SHISA5: variants seen among roughly 807,000 people sequenced by gnomAD.
SHISA5 encodes the protein shisa family member 5, also known as protein shisa-5.
A neutral mutation model predicts 27.5 loss-of-function variants in SHISA5; 21 were observed. That is an observed-to-expected ratio of 0.76 (90% CI 0.54 to 1.10). The LOEUF is 1.10. Ranked by LOEUF, SHISA5 falls within the 50% of genes least tolerant of loss-of-function variation. The probability of loss-of-function intolerance (pLI) is 0.00; values close to 1 mark genes in which losing one functional copy is unlikely to be tolerated. For missense variants in SHISA5, 314 were observed against 336.3 expected, an observed-to-expected ratio of 0.93 and a Z score of 0.52; for synonymous variants, 137 against 142.2, an observed-to-expected ratio of 0.96 and a Z score of 0.26.
intron 2 of SHISA5, among the ~76,000 whole-genome samples, chr3:48,480,254 A>C (rs903622923): frequency 5.9e-5 from 9 of 151,844 alleles, no homozygotes; most frequent in Admixed American, 1.3e-4. Flanking sequence ...ACAACAACAA[A>C]AAACTCCTAC....
In SHISA5 at chr3:48,469,070, A is replaced by G; in HGVS notation, c.*37T>C. On this transcript the variant is annotated 3_prime_UTR_variant, in exon 6 of 6. Coordinates refer to ENST00000296444, the MANE Select transcript of SHISA5 (RefSeq NM_016479.6). The surrounding 1 kb of genome is among the most constrained non-coding windows in gnomAD (Gnocchi z 4.6). ...TGCACACCACTCACGCACACACACA[A>G]CATAACCAAGTGGCAGCCAGAGAGG... 1 of 1,611,712 alleles carries G rather than the reference A, an allele frequency of 6.2e-7. No individual in the cohort carries two copies. The highest frequency in any genetic ancestry group is 1.1e-5 in the South Asian group (1 of 91,080).
At chr3:48,476,321 A>G (rs1052007786) in intron 3 of SHISA5, among the ~76,000 whole-genome samples, 9 of 150,790 alleles carry the variant, frequency 6.0e-5, no homozygotes, top group African/African-American at 2.2e-4. Flanking sequence ...AGCCTGGGCA[A>G]CAGGAGAGAA....
At chr3:48,471,678 C>T (rs986030535) in intron 3 of SHISA5, among the ~76,000 whole-genome samples, 4 of 151,344 alleles carry the variant, frequency 2.6e-5, no homozygotes, top group African/African-American at 7.3e-5. Context: ...TTTGGGAGGC[C>T]GAGGCAGGTG....
chr3:48,477,104 G>GAAAAA, intron 3 of SHISA5: 4 of 327,406 alleles, frequency 1.2e-5, no homozygotes, highest in East Asian at 9.0e-5. Context: ...ATAACATTGA[G>GAAAAA]AAAAAAAAAA....
intron 2 of SHISA5, among the ~76,000 whole-genome samples, chr3:48,488,307 A>C (rs1414567647): frequency 6.9e-6 from 1 of 144,162 alleles, no homozygotes; most frequent in Non-Finnish European, 1.5e-5. Context: ...GACTCAATGC[A>C]AGCTCCGCCT....
rs147918238 is a variant in SHISA5, at chr3:48,488,781, T to C, written c.234-9524A>G. ...CCGGGAGGTGGAGGTTGCGGTGAGC[T>C]GAGCTCATGCCATTGCACTCCAGCC... On this transcript the variant is annotated intron_variant, in intron 2 of 5. Coordinates refer to ENST00000296444, the MANE Select transcript of SHISA5 (RefSeq NM_016479.6). 9.1e-3 allele frequency among the ~76,000 whole-genome samples: 1,289 copies of C among 141,520 alleles called. 15 individuals are homozygous for C. The highest frequency in any genetic ancestry group is 0.033 in the African/African-American group (1,231 of 37,858). The allele number at this position is 141,520 out of a possible 152,430, so 92.8% of individuals were successfully genotyped here.
intron 2 of SHISA5, among the ~76,000 whole-genome samples, chr3:48,496,521 G>A (rs1011426499): frequency 4.7e-5 from 7 of 148,290 alleles, no homozygotes; most frequent in Admixed American, 1.3e-4. Flanking sequence ...ACCTGAGGTC[G>A]GGAGCTCGAG....
At chr3:48,501,911 A>C (rs1320441121) in intron 1 of SHISA5, among the ~76,000 whole-genome samples, 1 of 142,018 alleles carries the variant, frequency 7.0e-6, no homozygotes, top group Non-Finnish European at 1.5e-5. Flanking sequence ...CCCAGGCTGG[A>C]GTGCAGTGGT....
At chr3:48,501,086 T>C (rs2107391198) in intron 2 of SHISA5, 51 bp downstream of exon 2, 2 of 1,553,882 alleles carry the variant, frequency 1.3e-6, no homozygotes, top group Non-Finnish European at 1.7e-6. Context: ...CATACTCTCC[T>C]GTGGGGCACA....
intron 2 of SHISA5, among the ~76,000 whole-genome samples, chr3:48,500,236 A>G (rs1262887153): frequency 6.6e-6 from 1 of 152,224 alleles, no homozygotes; most frequent in Non-Finnish European, 1.5e-5. Flanking sequence ...CAAGAACTCA[A>G]ATAATGAAAA....
intron 2 of SHISA5, among the ~76,000 whole-genome samples, chr3:48,481,534 T>C (rs1156787930): frequency 6.6e-6 from 1 of 152,044 alleles, no homozygotes; most frequent in Middle Eastern, 3.2e-3. Context: ...CTCACGCCTG[T>C]AATAACAGCA....
chr3:48,469,689 C>A lies in SHISA5; in HGVS notation c.430+39G>T. 2 of 1,611,750 alleles carry A rather than the reference C, an allele frequency of 1.2e-6. No individual in the cohort carries two copies. The highest frequency in any genetic ancestry group is 2.7e-5 in the African/African-American group (2 of 75,016). ...AGGGCCTGGTCAGCTTCCCTTACCA[C>A]CCCAGGGGGTCACAGTGGGGCAGGG... On this transcript the variant is annotated intron_variant, in intron 4 of 5. Transcript: ENST00000296444. The surrounding 1 kb of genome is among the most constrained non-coding windows in gnomAD (Gnocchi z 4.6).
intron 1 of SHISA5, chr3:48,503,275 A>AGGT: frequency 1.2e-6 from 1 of 869,278 alleles, no homozygotes; most frequent in Non-Finnish European, 1.7e-6. Context: ...TGAATCAGTG[A>AGGT]CCGACCCTCC....
intron 2 of SHISA5, among the ~76,000 whole-genome samples, chr3:48,482,069 AC>A (rs1418226885): frequency 4.2e-5 from 6 of 142,804 alleles, no homozygotes; most frequent in African/African-American, 1.6e-4. Context: ...ACTCTGTCTC[AC>A]AAAAAAGAAA....
At chr3:48,480,213 T>A (rs946640976) in intron 2 of SHISA5, among the ~76,000 whole-genome samples, 8 of 151,738 alleles carry the variant, frequency 5.3e-5, no homozygotes, top group Non-Finnish European at 7.4e-5. Context: ...TCCACAGAGT[T>A]TTTTTAAAAA....
chr3:48,502,268 AC>A (rs1413193374), intron 1 of SHISA5: 2 of 399,706 alleles, frequency 5.0e-6, no homozygotes, highest in Admixed American at 2.6e-5. Context: ...CTCACAGACC[AC>A]CCCATAACCA....
chr3:48,490,354 T>G (rs577467058), intron 2 of SHISA5, among the ~76,000 whole-genome samples: 53 of 152,366 alleles, frequency 3.5e-4, no homozygotes, highest in African/African-American at 1.3e-3. Flanking sequence ...ATTACAGGTA[T>G]GAGCCACTGC....
chr3:48,474,341 T>A (rs2040746267), intron 3 of SHISA5, among the ~76,000 whole-genome samples: 1 of 146,022 alleles, frequency 6.8e-6, no homozygotes, highest in East Asian at 2.0e-4. Context: ...TTTAATTTAA[T>A]TTTTTTTTTT....
At chr3:48,474,710 CT>C (rs575141290) in intron 3 of SHISA5, among the ~76,000 whole-genome samples, 4 of 152,312 alleles carry the variant, frequency 2.6e-5, no homozygotes, top group Admixed American at 6.5e-5. Context: ...GAACTGCCCC[CT>C]CTCCTTCAAC....
Sources: gnomAD v4.1 joint callset for allele counts (sites outside exome capture counted in the v4.1 genomes callset) on GRCh38, gnomAD v4.1.1 for gene constraint, Gnocchi (gnomAD v3.1) non-coding constraint, MANE v1.5 for transcripts, NCBI Gene and HGNC (gene_info 2026-07-23, HGNC 2026-07-21) for gene names.